The following ARFGEF3 variants were observed in gnomAD, a reference collection of about 807,000 sequenced individuals.
ARFGEF3 encodes brefeldin A-inhibited guanine nucleotide-exchange protein 3.
A neutral mutation model predicts 221.7 loss-of-function variants in ARFGEF3; 96 were observed. The ratio of observed to expected loss-of-function variants is 0.43; its 90% CI spans 0.37 to 0.51. ARFGEF3 has a LOEUF of 0.51. Among genes scored for constraint, ARFGEF3 ranks in the 20% least tolerant of loss-of-function variants. The pLI is 0.00. For synonymous variants in ARFGEF3, 1,145 were observed against 1,126.8 expected, an observed-to-expected ratio of 1.02 and a Z score of -0.32; for missense variants, 2,410 against 2,789.9, an observed-to-expected ratio of 0.86 and a Z score of 3.07.
Position 138,343,599 on chromosome 6 carries a change from C to A in ARFGEF3, c.*7113C>A, listed in dbSNP as rs988030293. ...AGTAATTTATTTTTGTTTTACCAAC[C>A]AGTGCCAAAAAGGAGAGGAGGGAAT... On this transcript the variant is annotated 3_prime_UTR_variant, in exon 34 of 34. Coordinates refer to ENST00000251691, the MANE Select transcript of ARFGEF3 (RefSeq NM_020340.5). 3 of 151,814 alleles carry A rather than the reference C, an allele frequency of 2.0e-5. No individual in the cohort carries two copies. 9.4% of individuals were successfully genotyped at this position (151,814 alleles called of 1,614,324 possible). A position where few individuals can be genotyped will look rare whatever the true frequency, so the allele number is the denominator to read the frequency against.
intron 14 of ARFGEF3, among the ~76,000 whole-genome samples, chr6:138,283,750 T>A (rs907309836): frequency 3.9e-5 from 6 of 152,224 alleles, no homozygotes; most frequent in Non-Finnish European, 5.9e-5. Flanking sequence ...ACCTAGCACA[T>A]AGAAAACATT....
Position 138,311,486 on chromosome 6 carries a change from G to A in ARFGEF3, c.4176G>A (p.Leu1392=). ...APSTDLCLPA[L]DYLRRCSQLL... ...CCACAGACCTGTGCCTCCCGGCCCT[G>A]GATTACCTCAGGCGCTGCTCTCAGG... The change falls in exon 25 of 34, where the codon CTG becomes CTA. Residue 1392 remains leucine (L), a synonymous_variant. Transcript: ENST00000251691. 8.7e-6 allele frequency: 14 copies of A among 1,601,434 alleles called. No individual in the cohort carries two copies. Among genetic ancestry groups the A allele is most frequent in the Non-Finnish European group, 1.2e-5 (14 of 1,174,384 alleles).
chr6:138,235,808 T>A (rs953263329), intron 5 of ARFGEF3, among the ~76,000 whole-genome samples: 4 of 152,176 alleles, frequency 2.6e-5, no homozygotes, highest in African/African-American at 9.7e-5. Context: ...ACATGGTAAT[T>A]TTTATATTTA....
chr6:138,324,094 C>G lies in ARFGEF3; in HGVS notation c.4941C>G (p.Ala1647=). The G allele has an allele frequency of 1.2e-6, 2 of 1,613,844 alleles. No homozygotes were observed. Among genetic ancestry groups the G allele is most frequent in the Non-Finnish European group, 1.7e-6 (2 of 1,179,888 alleles). ...SGEGCQVRVA[A]PSSSPSAEAE... The stretch of plus-strand genomic sequence containing the variant: ...AAGGCTGCCAGGTGCGAGTGGCGGC[C>G]CCGTCCTCCTCCCCAAGTGCCGAGG... The change falls in exon 31 of 34, where the codon GCC becomes GCG. Residue 1647 remains alanine, a synonymous_variant. Transcript: ENST00000251691.
intron 2 of ARFGEF3, among the ~76,000 whole-genome samples, chr6:138,184,972 C>T (rs1182012894): frequency 6.6e-6 from 1 of 152,224 alleles, no homozygotes; most frequent in East Asian, 1.9e-4. Flanking sequence ...TGTAAATTCT[C>T]TAGGCCTTCC....
In ARFGEF3 at chr6:138,296,845, C is replaced by T. The variant is rs1431557150; in HGVS notation, c.3538C>T (p.Leu1180Phe). The T allele has an allele frequency of 6.2e-7, 1 of 1,614,024 alleles. No individual in the cohort carries two copies. Residue 1180 changes from leucine to phenylalanine, a missense_variant, in exon 21 of 34, where the codon CTC (leucine) becomes TTC (phenylalanine). Leu to Phe is a conservative substitution (Grantham distance 22). Transcript: ENST00000251691. ...ATCCACTCAAGACCGAAAAAGCGCC[C>T]TCCACCTGTTCCGCCTGGGGAATGC... is the stretch of plus-strand genomic sequence containing the variant. ...VKSTQDRKSA[L>F]HLFRLGNAML...
At chr6:138,246,418 A>G (rs1778488185) in intron 8 of ARFGEF3, among the ~76,000 whole-genome samples, 1 of 152,240 alleles carries the variant, frequency 6.6e-6, no homozygotes, top group Non-Finnish European at 1.5e-5. Flanking sequence ...GTTGGGAGAA[A>G]TAGTCTAGTT....
At chr6:138,319,407 T>A (rs753251275) in intron 27 of ARFGEF3, among the ~76,000 whole-genome samples, 1 of 152,194 alleles carries the variant, frequency 6.6e-6, no homozygotes, top group Non-Finnish European at 1.5e-5. Flanking sequence ...CACATGTGTA[T>A]TTGTGTGTTT....
chr6:138,165,202 C>G (rs72986831), intron 1 of ARFGEF3, among the ~76,000 whole-genome samples: 14,754 of 141,658 alleles, frequency 0.1, 902 homozygotes, highest in Middle Eastern at 0.23. Context: ...GACCATTGTG[C>G]GAGACAGGGG....
At chr6:138,286,217 G>A (rs1393475971) in intron 15 of ARFGEF3, among the ~76,000 whole-genome samples, 164 bp downstream of exon 15, 4 of 152,192 alleles carry the variant, frequency 2.6e-5, no homozygotes, top group African/African-American at 7.2e-5. Flanking sequence ...TTGGGAGGCC[G>A]AGGCGGGCAG....
chr6:138,309,980 G>A (rs1779796572), intron 24 of ARFGEF3, among the ~76,000 whole-genome samples: 1 of 152,156 alleles, frequency 6.6e-6, no homozygotes, highest in African/African-American at 2.4e-5. Flanking sequence ...TCAGTGATCT[G>A]GGTCTCCCCT....
chr6:138,316,989 A>G (rs1438519599), intron 26 of ARFGEF3, among the ~76,000 whole-genome samples: 8 of 152,222 alleles, frequency 5.3e-5, no homozygotes, highest in Admixed American at 5.2e-4. Flanking sequence ...CCATTTCAAG[A>G]TGGTAGAATT....
chr6:138,219,485 T>C (rs1351871181), intron 4 of ARFGEF3, among the ~76,000 whole-genome samples: 2 of 152,118 alleles, frequency 1.3e-5, no homozygotes, highest in Non-Finnish European at 2.9e-5. Flanking sequence ...AAATATCTTA[T>C]TGGAAGAGGC....
At position 138,162,258 on chromosome 6, in the gene ARFGEF3, G is replaced by GCGT; in HGVS notation, c.85+90_85+92dup. ...CCTCCGCGCGTGGGGCTTTCGCGGA[G>GCGT]CGTCGGTCATGGGTGCCGTTCTGGC... On this transcript the variant is annotated intron_variant, in intron 1 of 33. Coordinates refer to ENST00000251691, the MANE Select transcript of ARFGEF3 (RefSeq NM_020340.5). The surrounding 1 kb of genome is among the most constrained non-coding windows in gnomAD (Gnocchi z 4.7). 1.1e-6 allele frequency: 1 copy of GCGT among 950,682 alleles called. No homozygotes were observed. Among genetic ancestry groups the GCGT allele is most frequent in the Admixed American group, 2.8e-5 (1 of 35,534 alleles). 58.9% of individuals were successfully genotyped at this position (950,682 alleles called of 1,614,324 possible). A position where few individuals can be genotyped will look rare whatever the true frequency, so the allele number is the denominator to read the frequency against.
chr6:138,293,589 GACAA>G (rs1338513365), intron 19 of ARFGEF3, among the ~76,000 whole-genome samples: 5 of 152,270 alleles, frequency 3.3e-5, no homozygotes, highest in Non-Finnish European at 5.9e-5. Flanking sequence ...ATAAATTATA[GACAA>G]ACAAAACCTT....
chr6:138,244,047 T>C (rs936170583), intron 7 of ARFGEF3, among the ~76,000 whole-genome samples: 12 of 152,338 alleles, frequency 7.9e-5, no homozygotes, highest in African/African-American at 2.9e-4. Context: ...GGTCTGCGAC[T>C]TCTTGGTCAA....
intron 8 of ARFGEF3, among the ~76,000 whole-genome samples, chr6:138,248,368 G>A (rs1778522833): frequency 6.6e-6 from 1 of 152,130 alleles, no homozygotes; most frequent in South Asian, 2.1e-4. Flanking sequence ...GCTGTCGGGG[G>A]TGCTTCTCCC....
intron 11 of ARFGEF3, among the ~76,000 whole-genome samples, chr6:138,262,187 CTTTTTT>C (rs11393341): frequency 7.8e-6 from 1 of 127,894 alleles, no homozygotes; most frequent in East Asian, 2.2e-4. Context: ...ATGCAGACCA[CTTTTTT>C]TTTTTTTTTT....
intron 4 of ARFGEF3, among the ~76,000 whole-genome samples, chr6:138,219,793 C>CGTGT (rs141714713): frequency 0.01 from 1,547 of 149,190 alleles, 15 homozygotes; most frequent in African/African-American, 0.033. Flanking sequence ...CATAGATGTG[C>CGTGT]GTGTGTGTGT....
Sources: allele counts gnomAD v4.1 joint callset (sites outside exome capture counted in the v4.1 genomes callset), GRCh38; gene constraint gnomAD v4.1.1; non-coding constraint Gnocchi (gnomAD v3.1); transcripts MANE v1.5; gene names NCBI Gene and HGNC (gene_info 2026-07-23, HGNC 2026-07-21).